Variants in PIAS4 observed in about 807,000 individuals in gnomAD.
The protein encoded by PIAS4 is protein inhibitor of activated STAT 4, also known as E3 SUMO-protein ligase PIAS4.
In PIAS4, 7 loss-of-function variants were observed where a neutral mutation model predicts 58.0. The observed-to-expected ratio is 0.12, with a 90% CI of 0.07 to 0.23. The LOEUF is 0.23. Ranked by LOEUF, PIAS4 falls within the 10% of genes least tolerant of loss-of-function variation. The pLI is 1.00. For synonymous variants in PIAS4, 364 were observed against 312.4 expected, an observed-to-expected ratio of 1.17 and a Z score of -1.74; for missense variants, 550 against 709.5, an observed-to-expected ratio of 0.78 and a Z score of 2.55.
chr19:4,029,103 G>T (rs1044844124), intron 7 of PIAS4, 67 bp downstream of exon 7: 4 of 1,164,720 alleles, frequency 3.4e-6, no homozygotes, highest in Non-Finnish European at 5.0e-6. Flanking sequence ...CCTGTGCTGG[G>T]TGAAGCGGGG....
In PIAS4 at chr19:4,028,166, A is replaced by T; in HGVS notation, c.560A>T (p.Lys187Ile). 1 of 1,613,154 alleles carries T rather than the reference A, an allele frequency of 6.2e-7. No homozygotes were observed. The highest frequency in any genetic ancestry group is 8.5e-7 in the Non-Finnish European group (1 of 1,179,936). Residue 187 changes from lysine (K) to isoleucine (I), a missense_variant, in exon 4 of 11, where the codon AAA (lysine) becomes ATA (isoleucine). Around this residue, in one of 4 missense-constraint regions of PIAS4, gnomAD observed 225 missense variants for 345.8 expected, o/e 0.65. Coordinates refer to ENST00000262971, the MANE Select transcript of PIAS4 (RefSeq NM_015897.4). ...CACAGGGAACTGCAGCCCGGAGTTA[A>T]AGCCGTGCAGGTCGTCCTGAGGTAT... ...RNSRELQPGV[K>I]AVQVVLRICY...
At chr19:4,011,823 G>C (rs1599214027) in intron 1 of PIAS4, among the ~76,000 whole-genome samples, 1 of 57,356 alleles carries the variant, frequency 1.7e-5, no homozygotes. Flanking sequence ...GTGTGGAGGT[G>C]TGTGGGGTGT....
At chr19:4,027,532 C>G (rs1326071234) in intron 3 of PIAS4, among the ~76,000 whole-genome samples, 2 of 141,000 alleles carry the variant, frequency 1.4e-5, no homozygotes, top group African/African-American at 5.3e-5. Context: ...GGGGGCGTTT[C>G]TTGTTAAAGT....
At chr19:4,029,103 G>A in intron 7 of PIAS4, 67 bp downstream of exon 7, 5 of 1,164,718 alleles carry the variant, frequency 4.3e-6, no homozygotes, top group Non-Finnish European at 6.2e-6. Flanking sequence ...CCTGTGCTGG[G>A]TGAAGCGGGG....
chr19:4,036,306 A>C (rs1037791051), intron 9 of PIAS4, among the ~76,000 whole-genome samples: 4 of 116,326 alleles, frequency 3.4e-5, no homozygotes, highest in African/African-American at 1.1e-4. Context: ...ACACATCTAT[A>C]CAGTCCACAC....
chr19:4,023,512 C>T (rs540883278), intron 2 of PIAS4, among the ~76,000 whole-genome samples: 16 of 152,332 alleles, frequency 1.1e-4, no homozygotes, highest in South Asian at 4.1e-4. Context: ...TTTCTGACTG[C>T]GCCTCTGCCT....
chr19:4,020,192 A>G (rs982476554), intron 2 of PIAS4, among the ~76,000 whole-genome samples: 1 of 152,188 alleles, frequency 6.6e-6, no homozygotes, highest in Admixed American at 6.5e-5. Flanking sequence ...CTGGGATTAC[A>G]GGCGTGAGCC....
intron 2 of PIAS4, among the ~76,000 whole-genome samples, chr19:4,014,967 C>T (rs1055856524): frequency 6.6e-5 from 10 of 152,088 alleles, no homozygotes; most frequent in East Asian, 1.9e-4. Context: ...CTGCGGCAGC[C>T]GAGGCTCCTC....
intron 7 of PIAS4, among the ~76,000 whole-genome samples, chr19:4,029,900 G>A (rs2040206559): frequency 7.8e-6 from 1 of 128,820 alleles, no homozygotes; most frequent in Non-Finnish European, 1.6e-5. Flanking sequence ...TCGGCTCACT[G>A]AAACCTCTAC....
At chr19:4,033,775 T>TG (rs1191141144) in intron 9 of PIAS4, among the ~76,000 whole-genome samples, 195 bp downstream of exon 9, 1 of 152,158 alleles carries the variant, frequency 6.6e-6, no homozygotes, top group Non-Finnish European at 1.5e-5. Context: ...GCCTTTGCTA[T>TG]GCAGGTGACA....
At chr19:4,032,531 T>C (rs755749) in intron 7 of PIAS4, among the ~76,000 whole-genome samples, 8,208 of 152,284 alleles carry the variant, frequency 0.054, 729 homozygotes, top group African/African-American at 0.19. Context: ...CAAGACTTCA[T>C]GTTTCACATA....
chr19:4,028,232 A>ACCCCCCCCC, intron 4 of PIAS4, 45 bp downstream of exon 4: 1 of 956,502 alleles, frequency 1.0e-6, no homozygotes, highest in Non-Finnish European at 1.4e-6. Context: ...ACCCCCAGCC[A>ACCCCCCCCC]CCCGCCCCTC....
At chr19:4,027,713 C>T (rs1002709621) in intron 3 of PIAS4, among the ~76,000 whole-genome samples, 6 of 151,952 alleles carry the variant, frequency 3.9e-5, no homozygotes. Context: ...GTGTGCACCA[C>T]CACGCCTGGG....
At chr19:4,031,145 C>T (rs2040219341) in intron 7 of PIAS4, among the ~76,000 whole-genome samples, 1 of 152,050 alleles carries the variant, frequency 6.6e-6, no homozygotes, top group African/African-American at 2.4e-5. Flanking sequence ...GAGCACTGCC[C>T]TCCTGGCACA....
chr19:4,030,174 G>A (rs1233861066), intron 7 of PIAS4, among the ~76,000 whole-genome samples: 1 of 150,868 alleles, frequency 6.6e-6, no homozygotes, highest in African/African-American at 2.4e-5. Context: ...TGTTGCCCAG[G>A]CTGGTCGTAA....
At chr19:4,010,661 C>T (rs1368904904) in intron 1 of PIAS4, among the ~76,000 whole-genome samples, 2 of 152,216 alleles carry the variant, frequency 1.3e-5, no homozygotes, top group Admixed American at 6.5e-5. Context: ...GCCGAGGGGC[C>T]GATGCCAGTC....
chr19:4,033,376 C>A lies in PIAS4; in HGVS notation c.982-44C>A, dbSNP rs1436716192. 4 of 1,522,814 alleles carry A rather than the reference C, an allele frequency of 2.6e-6. No individual in the cohort carries two copies. The East Asian group carries it at 9.8e-5, about 37-fold the overall frequency. 94.3% of individuals were successfully genotyped at this position (1,522,814 alleles called of 1,614,324 possible). A position where few individuals can be genotyped will look rare whatever the true frequency, so the allele number is the denominator to read the frequency against. On this transcript the variant is annotated intron_variant, in intron 8 of 10. Coordinates refer to ENST00000262971, the MANE Select transcript of PIAS4 (RefSeq NM_015897.4). ...GGGTGAGGGGCACCGGGCAGGCGGG[C>A]ACAACAGGAGGGGTGCCCTGCTCAC... is the stretch of plus-strand genomic sequence containing the variant.
intron 9 of PIAS4, among the ~76,000 whole-genome samples, chr19:4,035,346 C>T (rs540176334): frequency 6.6e-6 from 1 of 152,286 alleles, no homozygotes; most frequent in Non-Finnish European, 1.5e-5. Flanking sequence ...AGACGCCCCC[C>T]AGCCACTGCA....
At chr19:4,010,736 T>A (rs553073851) in intron 1 of PIAS4, among the ~76,000 whole-genome samples, 1 of 152,340 alleles carries the variant, frequency 6.6e-6, no homozygotes, top group East Asian at 1.9e-4. Flanking sequence ...TTTCCTCACC[T>A]ACACGATGGG....
Sources: allele counts gnomAD v4.1 joint callset (sites outside exome capture counted in the v4.1 genomes callset), GRCh38; gene constraint gnomAD v4.1.1; regional missense constraint gnomAD v4.1.1; transcripts MANE v1.5; gene names NCBI Gene and HGNC (gene_info 2026-07-23, HGNC 2026-07-21).